The following FRA10AC1 variants were observed in gnomAD, a reference collection of about 807,000 sequenced individuals.
FRA10AC1 encodes the protein FRA10A associated CGG repeat 1, also known as protein FRA10AC1.
In FRA10AC1, 43 loss-of-function variants were observed where a neutral mutation model predicts 56.5. That is an observed-to-expected ratio of 0.76 (90% confidence interval 0.60 to 0.98). The LOEUF (loss-of-function observed/expected upper bound fraction) is 0.98. FRA10AC1 is among the 50% of genes least tolerant of loss of function. FRA10AC1 has a pLI of 0.00. For missense variants in FRA10AC1, 346 were observed against 351.8 expected (o/e 0.98, Z 0.13); for synonymous variants, 112 against 110.5 (o/e 1.01, Z -0.09).
chr10:93,669,838 A>T lies in FRA10AC1; in HGVS notation c.936T>A (p.Asp312Glu). Reference protein sequence around the residue: ...QEEEFDEYFQDLFL With the variant: ...QEEEFDEYFQELFL The stretch of plus-strand genomic sequence containing the variant: ...TCTCTCTCTCGTCTCATAGAAACAA[A>T]TCCTGAAAATACTCATCAAATTCTT... Residue 312 changes from aspartate (D) to glutamate (E), a missense_variant, in exon 14 of 14, where the codon GAT becomes GAA. Physicochemically the swap from Asp to Glu is conservative, Grantham distance 45. Coordinates refer to ENST00000359204, the MANE Select transcript of FRA10AC1 (RefSeq NM_145246.5). 1 of 1,582,794 alleles carries T rather than the reference A, an allele frequency of 6.3e-7. No individual in the cohort carries two copies. Among genetic ancestry groups the T allele is most frequent in the Non-Finnish European group, 8.6e-7 (1 of 1,158,886 alleles).
intron 1 of FRA10AC1, among the ~76,000 whole-genome samples, chr10:93,701,317 T>C (rs2059327877): frequency 6.6e-6 from 1 of 152,178 alleles, no homozygotes; most frequent in Non-Finnish European, 1.5e-5. Context: ...TTAAAACTAA[T>C]ATAACGACAG....
chr10:93,687,663 T>C lies in FRA10AC1; in HGVS notation c.466-214A>G, dbSNP rs112006005. 166 of 394,618 alleles carry C rather than the reference T, an allele frequency of 4.2e-4. 1 individual carries two copies. Among genetic ancestry groups the C allele is most frequent in the African/African-American group, 3.1e-3 (147 of 48,012 alleles). 24.4% of individuals were successfully genotyped at this position (394,618 alleles called of 1,614,324 possible). On this transcript the variant is annotated intron_variant, in intron 7 of 13. Coordinates refer to ENST00000359204, the MANE Select transcript of FRA10AC1 (RefSeq NM_145246.5). The stretch of plus-strand genomic sequence containing the variant: ...CTACTTTAAGATAGCTTAAAAGTTA[T>C]AGGTGCCAGGCCACAAGATACCTAA...
chr10:93,675,699 C>A, intron 12 of FRA10AC1: 1 of 344,474 alleles, frequency 2.9e-6, no homozygotes, highest in Non-Finnish European at 6.1e-6. Flanking sequence ...AGCATGACTC[C>A]ATCTCCAAAA....
At chr10:93,680,317 T>C (rs1453499088) in intron 11 of FRA10AC1, among the ~76,000 whole-genome samples, 1 of 152,162 alleles carries the variant, frequency 6.6e-6, no homozygotes, top group Non-Finnish European at 1.5e-5. Context: ...TTGGTTAAAA[T>C]TTACCTTAGA....
At chr10:93,670,174 C>T (rs894950329) in intron 13 of FRA10AC1, among the ~76,000 whole-genome samples, 1 of 152,014 alleles carries the variant, frequency 6.6e-6, no homozygotes, top group African/African-American at 2.4e-5. Flanking sequence ...TGTGGGCTTA[C>T]TTTATAACTT....
chr10:93,701,845 T>C (rs919955435), intron 1 of FRA10AC1, among the ~76,000 whole-genome samples: 1 of 152,086 alleles, frequency 6.6e-6, no homozygotes, highest in Non-Finnish European at 1.5e-5. Context: ...TAGATTTCAC[T>C]GCTTGGCTCT....
intron 11 of FRA10AC1, among the ~76,000 whole-genome samples, chr10:93,680,738 A>C (rs2058920289): frequency 6.6e-6 from 1 of 152,206 alleles, no homozygotes; most frequent in Admixed American, 6.5e-5. Flanking sequence ...AAGCAACTAG[A>C]AGTAACCTTC....
intron 7 of FRA10AC1, 133 bp from the exon 8 acceptor site, chr10:93,687,582 T>G (rs2059053122): frequency 3.4e-6 from 3 of 870,810 alleles, no homozygotes; most frequent in Non-Finnish European, 5.0e-6. Context: ...TTTCTCTTCT[T>G]ATAGGATTTG....
rs748110463 is a variant in FRA10AC1, at chr10:93,676,644, GTTAC to G, written c.826+5_826+8del. On this transcript the variant is annotated splice_donor_5th_base_variant and intron_variant, in intron 12 of 13. Coordinates refer to ENST00000359204, the MANE Select transcript of FRA10AC1 (RefSeq NM_145246.5). ...GCATATTTTTATTAAATAAACACTT[GTTAC>G]TTACTAAGTAGAGAATCTTCAGATT... 49 of 1,554,620 alleles carry G rather than the reference GTTAC, an allele frequency of 3.2e-5. No homozygotes were observed. Among genetic ancestry groups the G allele is most frequent in the African/African-American group, 9.7e-5 (7 of 71,900 alleles).
chr10:93,682,474 G>A (rs2058952059), intron 10 of FRA10AC1, among the ~76,000 whole-genome samples: 1 of 152,154 alleles, frequency 6.6e-6, no homozygotes, highest in Non-Finnish European at 1.5e-5. Context: ...CTGATGGGAA[G>A]GGGAAATAAA....
chr10:93,702,637 GAGT>G (rs2059364771), upstream of FRA10AC1: 1 of 192,800 alleles, frequency 5.2e-6, no homozygotes, highest in Non-Finnish European at 1.1e-5. Context: ...ACCGTCCCCC[GAGT>G]GCGCCGACCT....
chr10:93,687,514 A>AC, intron 7 of FRA10AC1, 65 bp from the exon 8 acceptor site: 1 of 1,352,568 alleles, frequency 7.4e-7, no homozygotes, highest in Non-Finnish European at 9.9e-7. Flanking sequence ...CTAAACATGG[A>AC]GCCAACAATG....
At chr10:93,699,946 C>A in intron 2 of FRA10AC1, 84 bp downstream of exon 2, 1 of 774,904 alleles carries the variant, frequency 1.3e-6, no homozygotes, top group Non-Finnish European at 2.1e-6. Flanking sequence ...AAACAGAATT[C>A]AAAAATTTCA....
At chr10:93,698,523 T>C (rs1341128786) in intron 2 of FRA10AC1, 127 bp from the exon 3 acceptor site, 2 of 539,584 alleles carry the variant, frequency 3.7e-6, no homozygotes, top group Non-Finnish European at 3.2e-6. Flanking sequence ...TCACTGATCT[T>C]TAATGAGATA....
chr10:93,687,933 G>C (rs1043023979), intron 7 of FRA10AC1: 1 of 151,080 alleles, frequency 6.6e-6, no homozygotes, highest in African/African-American at 2.4e-5. Flanking sequence ...TACTCACAGA[G>C]GTTTAAAGAG....
chr10:93,692,003 G>A lies in FRA10AC1; in HGVS notation c.465+6C>T. On this transcript the variant is annotated splice_donor_region_variant and intron_variant, in intron 7 of 13. Coordinates refer to ENST00000359204, the MANE Select transcript of FRA10AC1 (RefSeq NM_145246.5). ...ACCTCTTTCCATAAATATGTGGAAA[G>A]CATACCTTATTTTCTTTATATTTAC... The A allele has an allele frequency of 9.6e-6, 15 of 1,566,108 alleles. No individual in the cohort carries two copies. Among genetic ancestry groups the A allele is most frequent in the Non-Finnish European group, 1.3e-5 (15 of 1,158,240 alleles).
intron 11 of FRA10AC1, among the ~76,000 whole-genome samples, chr10:93,678,986 G>A (rs1344691196): frequency 2.6e-5 from 4 of 152,158 alleles, no homozygotes; most frequent in African/African-American, 9.7e-5. Context: ...CCAAATTAAG[G>A]TGGTCTGGCA....
At chr10:93,673,336 C>G (rs907101759) in intron 12 of FRA10AC1, 7 of 456,484 alleles carry the variant, frequency 1.5e-5, no homozygotes, top group Non-Finnish European at 3.1e-5. Context: ...TCCTTTCACT[C>G]TTCTCCCAGG....
At chr10:93,691,775 A>G (rs1367113573) in intron 7 of FRA10AC1, among the ~76,000 whole-genome samples, 1 of 152,182 alleles carries the variant, frequency 6.6e-6, no homozygotes, top group Non-Finnish European at 1.5e-5. Context: ...TAGACTTTTC[A>G]TGCCTCAGCT....
Sources: allele counts gnomAD v4.1 joint callset (sites outside exome capture counted in the v4.1 genomes callset), GRCh38; gene constraint gnomAD v4.1.1; transcripts MANE v1.5; gene names NCBI Gene and HGNC (gene_info 2026-07-23, HGNC 2026-07-21).